KCNA1: variants seen among roughly 807,000 people sequenced by gnomAD.
KCNA1 encodes the protein potassium channel, voltage gated shaker related subfamily A, member 1.
In KCNA1, 19 loss-of-function variants were observed where a neutral mutation model predicts 28.8. The observed-to-expected ratio is 0.66, with a 90% CI of 0.46 to 0.97. The LOEUF (loss-of-function observed/expected upper bound fraction) is 0.97, where lower values mean the gene tolerates loss of function less well. Ranked by LOEUF, KCNA1 falls within the 50% of genes least tolerant of loss-of-function variation. KCNA1 has a pLI of 0.00. For synonymous variants in KCNA1, 311 were observed against 268.8 expected, an observed-to-expected ratio of 1.16 and a Z score of -1.53; for missense variants, 419 against 659.7, an observed-to-expected ratio of 0.64 and a Z score of 4.00.
chr12:4,911,440 A>G lies in KCNA1; in HGVS notation c.62A>G (p.Asp21Gly). 1 of 1,613,590 alleles carries G rather than the reference A, an allele frequency of 6.2e-7. No individual in the cohort carries two copies. The highest frequency in any genetic ancestry group is 8.5e-7 in the Non-Finnish European group (1 of 1,179,884). ...TCGGCCGCCCCGGGCCACCCCCAGG[A>G]TGGCAGCTACCCCCGGCAGGCCGAC... ...EASAAPGHPQ[D>G]GSYPRQADHD... Residue 21 changes from aspartate to glycine, a missense_variant, in exon 2 of 2, where the codon GAT (aspartate) becomes GGT (glycine). Physicochemically the swap from Asp to Gly is moderately conservative, Grantham distance 94. Around this residue, in one of 4 missense-constraint regions of KCNA1, gnomAD observed 67 missense variants for 57.2 expected, o/e 1.17. Coordinates refer to ENST00000382545, the MANE Select transcript of KCNA1 (RefSeq NM_000217.3). The surrounding 1 kb of genome is among the most constrained non-coding windows in gnomAD (Gnocchi z 6.6).
At position 4,916,526 on chromosome 12, in the gene KCNA1, C is replaced by A. The variant is rs1332622224; in HGVS notation, c.*3660C>A. The A allele has an allele frequency of 6.0e-6, 1 of 167,046 alleles. No individual in the cohort carries two copies. The highest frequency in any genetic ancestry group is 1.5e-5 in the Non-Finnish European group (1 of 68,116). The allele number at this position is 167,046 out of a possible 1,614,324, so 10.3% of individuals were successfully genotyped here. A position where few individuals can be genotyped will look rare whatever the true frequency, so the allele number is the denominator to read the frequency against. On this transcript the variant is annotated 3_prime_UTR_variant, in exon 2 of 2. Coordinates refer to ENST00000382545, the MANE Select transcript of KCNA1 (RefSeq NM_000217.3). The stretch of plus-strand genomic sequence containing the variant: ...TTTCTGTTTTTGCATCTCCCTTTTC[C>A]CATTTGTGCCCAACTCCCCTTGCAC...
rs923839401 is a variant in KCNA1, at chr12:4,914,829, A to G, written c.*1963A>G. The G allele has an allele frequency of 6.0e-6, 1 of 167,154 alleles. No homozygotes were observed. Among genetic ancestry groups the G allele is most frequent in the Non-Finnish European group, 1.5e-5 (1 of 68,182 alleles). The allele number at this position is 167,154 out of a possible 1,614,324, so 10.4% of individuals were successfully genotyped here. A position where few individuals can be genotyped will look rare whatever the true frequency, so the allele number is the denominator to read the frequency against. On this transcript the variant is annotated 3_prime_UTR_variant, in exon 2 of 2. Coordinates refer to ENST00000382545, the MANE Select transcript of KCNA1 (RefSeq NM_000217.3). ...GAACTTGTTTTTTCCTCTCTCCACCAAAGCCAAGATAAACTTTTTGGGAAT... is the reference window on the plus strand; with the variant it reads ...GAACTTGTTTTTTCCTCTCTCCACCGAAGCCAAGATAAACTTTTTGGGAAT...
chr12:4,911,252 C>A lies in KCNA1; in HGVS notation c.-127C>A, dbSNP rs1183926117. 3 of 685,566 alleles carry A rather than the reference C, an allele frequency of 4.4e-6. No homozygotes were observed. The highest frequency in any genetic ancestry group is 4.9e-6 in the Non-Finnish European group (2 of 404,578). 42.5% of individuals were successfully genotyped at this position (685,566 alleles called of 1,614,324 possible). On this transcript the variant is annotated 5_prime_UTR_variant, in exon 2 of 2. Coordinates refer to ENST00000382545, the MANE Select transcript of KCNA1 (RefSeq NM_000217.3). This position sits in a 1 kb window ranked among gnomAD's most constrained non-coding sequence, Gnocchi z 6.6. Reference sequence around the variant, plus strand: ...CGACCTGCTCGTGTTGAAGCACCTCCCCCTGGGCGTGAGGGAGACGCGCGC... The same window carrying A: ...CGACCTGCTCGTGTTGAAGCACCTCACCCTGGGCGTGAGGGAGACGCGCGC...
rs142055425 is a variant in KCNA1, at chr12:4,912,602, G to A, written c.1224G>A (p.Val408=). The change falls in exon 2 of 2, where the codon GTG becomes GTA. Residue 408 remains valine (V), a synonymous_variant. Coordinates refer to ENST00000382545, the MANE Select transcript of KCNA1 (RefSeq NM_000217.3). ...TTGCCCTGCCCGTACCTGTCATTGT[G>A]TCCAATTTCAACTATTTCTACCACC... The part of the protein sequence containing the change: ...LTIALPVPVI[V]SNFNYFYHRE... 3.1e-6 allele frequency: 5 copies of A among 1,613,720 alleles called. No individual in the cohort carries two copies. The highest frequency in any genetic ancestry group is 2.7e-5 in the African/African-American group (2 of 74,802).
chr12:4,917,714 A>G lies in KCNA1; in HGVS notation c.*4848A>G, dbSNP rs1413360717. ...AGAGTATAGAAAACTTTTGTACCAC[A>G]ATCAAAGAAGAAGAAATGGTGTATG... is the stretch of plus-strand genomic sequence containing the variant. On this transcript the variant is annotated 3_prime_UTR_variant, in exon 2 of 2. Coordinates refer to ENST00000382545, the MANE Select transcript of KCNA1 (RefSeq NM_000217.3). 6.0e-6 allele frequency: 1 copy of G among 167,022 alleles called. No homozygotes were observed. Among genetic ancestry groups the G allele is most frequent in the Non-Finnish European group, 1.5e-5 (1 of 68,120 alleles). The allele number at this position is 167,022 out of a possible 1,614,324, so 10.3% of individuals were successfully genotyped here. A position where few individuals can be genotyped will look rare whatever the true frequency, so the allele number is the denominator to read the frequency against.
At position 4,911,961 on chromosome 12, in the gene KCNA1, G is replaced by T. The variant is rs2137673332; in HGVS notation, c.583G>T (p.Asp195Tyr). The stretch of plus-strand genomic sequence containing the variant: ...GGAGACGCTCCCCGAGCTGAAGGAT[G>T]ACAAGGACTTCACGGGCACCGTCCA... Reference protein sequence around the residue: ...CLETLPELKDDKDFTGTVHRI... With the variant: ...CLETLPELKDYKDFTGTVHRI... Residue 195 changes from aspartate (D) to tyrosine (Y), a missense_variant, in exon 2 of 2, where the codon GAC becomes TAC. Around this residue, in one of 4 missense-constraint regions of KCNA1, gnomAD observed 217 missense variants for 329.6 expected, o/e 0.66. Transcript: ENST00000382545. This position sits in a 1 kb window ranked among gnomAD's most constrained non-coding sequence, Gnocchi z 6.6. 1 of 1,614,088 alleles carries T rather than the reference G, an allele frequency of 6.2e-7. No homozygotes were observed. The highest frequency in any genetic ancestry group is 2.2e-5 in the East Asian group (1 of 44,850).
At position 4,912,724 on chromosome 12, in the gene KCNA1, T is replaced by C. The variant is rs1481224137; in HGVS notation, c.1346T>C (p.Met449Thr). 3.1e-6 allele frequency: 5 copies of C among 1,613,566 alleles called. No individual in the cohort carries two copies. Among genetic ancestry groups the C allele is most frequent in the African/African-American group, 2.7e-5 (2 of 74,776 alleles). Residue 449 changes from methionine to threonine, a missense_variant, in exon 2 of 2, where the codon ATG becomes ACG. Around this residue, in one of 4 missense-constraint regions of KCNA1, gnomAD observed 81 missense variants for 86.5 expected, o/e 0.94. Coordinates refer to ENST00000382545, the MANE Select transcript of KCNA1 (RefSeq NM_000217.3). The stretch of plus-strand genomic sequence containing the variant: ...CTCAGTCGCCGCAGTTCCTCTACTA[T>C]GAGCAAGTCTGAGTACATGGAGATC... Reference protein sequence around the residue: ...SDLSRRSSSTMSKSEYMEIEE... With the variant: ...SDLSRRSSSTTSKSEYMEIEE...
At position 4,917,714 on chromosome 12, in the gene KCNA1, A is replaced by C. The variant is rs1413360717; in HGVS notation, c.*4848A>C. 1 of 167,022 alleles carries C rather than the reference A, an allele frequency of 6.0e-6. No homozygotes were observed. Among genetic ancestry groups the C allele is most frequent in the African/African-American group, 2.4e-5 (1 of 41,462 alleles). The allele number at this position is 167,022 out of a possible 1,614,324, so 10.3% of individuals were successfully genotyped here. A position where few individuals can be genotyped will look rare whatever the true frequency, so the allele number is the denominator to read the frequency against. ...AGAGTATAGAAAACTTTTGTACCAC[A>C]ATCAAAGAAGAAGAAATGGTGTATG... On this transcript the variant is annotated 3_prime_UTR_variant, in exon 2 of 2. Transcript: ENST00000382545.
Position 4,911,254 on chromosome 12 carries a change from C to G in KCNA1, c.-125C>G, listed in dbSNP as rs1464289027. The G allele has an allele frequency of 4.3e-6, 3 of 698,128 alleles. No homozygotes were observed. Among genetic ancestry groups the G allele is most frequent in the African/African-American group, 1.8e-5 (1 of 55,600 alleles). The allele number at this position is 698,128 out of a possible 1,614,324, so 43.2% of individuals were successfully genotyped here. A position where few individuals can be genotyped will look rare whatever the true frequency, so the allele number is the denominator to read the frequency against. The stretch of plus-strand genomic sequence containing the variant: ...ACCTGCTCGTGTTGAAGCACCTCCC[C>G]CTGGGCGTGAGGGAGACGCGCGCTC... On this transcript the variant is annotated 5_prime_UTR_variant, in exon 2 of 2. Coordinates refer to ENST00000382545, the MANE Select transcript of KCNA1 (RefSeq NM_000217.3). The surrounding 1 kb of genome is among the most constrained non-coding windows in gnomAD (Gnocchi z 6.6).
Position 4,914,454 on chromosome 12 carries a change from G to C in KCNA1, c.*1588G>C, listed in dbSNP as rs2137675778. 6.0e-6 allele frequency: 1 copy of C among 167,080 alleles called. No homozygotes were observed. The highest frequency in any genetic ancestry group is 2.4e-5 in the African/African-American group (1 of 41,536). 10.3% of individuals were successfully genotyped at this position (167,080 alleles called of 1,614,324 possible). On this transcript the variant is annotated 3_prime_UTR_variant, in exon 2 of 2. Coordinates refer to ENST00000382545, the MANE Select transcript of KCNA1 (RefSeq NM_000217.3). ...GCAGTCATTCTTTGAAGTCTGTAGA[G>C]ACTTCAGCCCTCCCCTTGAGGCTCC...
In KCNA1 at chr12:4,915,143, C is replaced by A. The variant is rs1947377140; in HGVS notation, c.*2277C>A. ...TGAACATCTAACTTCTGCTGCCCCCCCGTTACCCAGCCCAGAGAATGGTGG... is the reference window on the plus strand; with the variant it reads ...TGAACATCTAACTTCTGCTGCCCCCACGTTACCCAGCCCAGAGAATGGTGG... On this transcript the variant is annotated 3_prime_UTR_variant, in exon 2 of 2. Coordinates refer to ENST00000382545, the MANE Select transcript of KCNA1 (RefSeq NM_000217.3). The A allele has an allele frequency of 6.0e-6, 1 of 165,824 alleles. No homozygotes were observed. The highest frequency in any genetic ancestry group is 1.5e-5 in the Non-Finnish European group (1 of 67,678). 10.3% of individuals were successfully genotyped at this position (165,824 alleles called of 1,614,324 possible).
rs1262487366 is a variant in KCNA1 at position 4,913,118 on chromosome 12, A to T, written c.*252A>T. The T allele has an allele frequency of 1.9e-6, 1 of 513,660 alleles. No homozygotes were observed. The highest frequency in any genetic ancestry group is 3.7e-5 in the East Asian group (1 of 27,064). The allele number at this position is 513,660 out of a possible 1,614,324, so 31.8% of individuals were successfully genotyped here. ...AATGGGAAAAGAGAGAGTATTTTCT[A>T]AAACTGGCTTAAAAAGATTCAGTCC... On this transcript the variant is annotated 3_prime_UTR_variant, in exon 2 of 2. Transcript: ENST00000382545.
rs1947338856 is a variant in KCNA1 at position 4,910,056 on chromosome 12, C to A, written c.-956C>A. On this transcript the variant is annotated 5_prime_UTR_variant, in exon 1 of 2. Transcript: ENST00000382545. The surrounding 1 kb of genome is among the most constrained non-coding windows in gnomAD (Gnocchi z 4.9). ...GAGCCATGTAGATCCAGGCTCTCGC[C>A]CGCCCGCCTCCTTCGGGATCGAATC... 1 of 152,674 alleles carries A rather than the reference C, an allele frequency of 6.5e-6. No homozygotes were observed. Among genetic ancestry groups the A allele is most frequent in the Admixed American group, 6.5e-5 (1 of 15,280 alleles). 9.5% of individuals were successfully genotyped at this position (152,674 alleles called of 1,614,324 possible).
Position 4,911,118 on chromosome 12 carries a change from C to T in KCNA1, c.-261C>T. The T allele has an allele frequency of 1.7e-6, 1 of 586,994 alleles. No individual in the cohort carries two copies. Among genetic ancestry groups the T allele is most frequent in the East Asian group, 2.8e-5 (1 of 35,158 alleles). 36.4% of individuals were successfully genotyped at this position (586,994 alleles called of 1,614,324 possible). Reference sequence around the variant, plus strand: ...AAACCAACAAACCCCCAAACCCAAACCCAACCCTCTGCAAAAAGCTGCACC... The same window carrying T: ...AAACCAACAAACCCCCAAACCCAAATCCAACCCTCTGCAAAAAGCTGCACC... On this transcript the variant is annotated 5_prime_UTR_variant, in exon 2 of 2. Coordinates refer to ENST00000382545, the MANE Select transcript of KCNA1 (RefSeq NM_000217.3). The surrounding 1 kb of genome is among the most constrained non-coding windows in gnomAD (Gnocchi z 6.6).
Position 4,912,587 on chromosome 12 carries a change from C to G in KCNA1, c.1209C>G (p.Pro403=), listed in dbSNP as rs1475577782. ...AIAGVLTIAL[P]VPVIVSNFNY... ...CTGGTGTGCTAACAATTGCCCTGCCCGTACCTGTCATTGTGTCCAATTTCA... is the reference window on the plus strand; with the variant it reads ...CTGGTGTGCTAACAATTGCCCTGCCGGTACCTGTCATTGTGTCCAATTTCA... Residue 403 remains proline (P), a synonymous_variant, in exon 2 of 2, where the codon CCC becomes CCG. Coordinates refer to ENST00000382545, the MANE Select transcript of KCNA1 (RefSeq NM_000217.3). The G allele has an allele frequency of 3.1e-6, 5 of 1,613,678 alleles. No homozygotes were observed. Among genetic ancestry groups the G allele is most frequent in the East Asian group, 2.2e-5 (1 of 44,844 alleles).
chr12:4,912,313 T>TCCAGATCCTGGG lies in KCNA1; in HGVS notation c.941_952dup (p.Ile314_Gln317dup). On this transcript the variant is annotated inframe_insertion, in exon 2 of 2. Transcript: ENST00000382545. Reference sequence around the variant, plus strand: ...AAGCTCTCCCGCCACTCTAAGGGCCTCCAGATCCTGGGCCAGACCCTCAAA... The same window carrying TCCAGATCCTGGG: ...AAGCTCTCCCGCCACTCTAAGGGCCTCCAGATCCTGGGCCAGATCCTGGGCCAGACCCTCAAA... 6.2e-7 allele frequency: 1 copy of TCCAGATCCTGGG among 1,613,834 alleles called. No homozygotes were observed. Among genetic ancestry groups the TCCAGATCCTGGG allele is most frequent in the Non-Finnish European group, 8.5e-7 (1 of 1,179,964 alleles).
In KCNA1 at chr12:4,912,392, C is replaced by T. The variant is rs756726040; in HGVS notation, c.1014C>T (p.Ile338=). Residue 338 remains isoleucine (I), a synonymous_variant, in exon 2 of 2, where the codon ATC becomes ATT. Coordinates refer to ENST00000382545, the MANE Select transcript of KCNA1 (RefSeq NM_000217.3). ...LLIFFLFIGV[I]LFSSAVYFAE... ...TCTTTTTCCTCTTCATCGGGGTCAT[C>T]CTGTTTTCTAGTGCAGTGTACTTTG... 6.2e-7 allele frequency: 1 copy of T among 1,613,922 alleles called. No individual in the cohort carries two copies. The highest frequency in any genetic ancestry group is 1.7e-5 in the Admixed American group (1 of 59,988).
At position 4,911,386 on chromosome 12, in the gene KCNA1, T is replaced by C; in HGVS notation, c.8T>C (p.Val3Ala). The C allele has an allele frequency of 6.4e-7, 1 of 1,555,584 alleles. No individual in the cohort carries two copies. The highest frequency in any genetic ancestry group is 1.1e-5 in the South Asian group (1 of 90,148). Reference sequence around the variant, plus strand: ...CCGCGCCCGGCTTCCACCATGACGGTGATGTCTGGGGAGAACGTGGACGAG... The same window carrying C: ...CCGCGCCCGGCTTCCACCATGACGGCGATGTCTGGGGAGAACGTGGACGAG... MT[V>A]MSGENVDEAS... Residue 3 changes from valine to alanine, a missense_variant, in exon 2 of 2, where the codon GTG becomes GCG. Coordinates refer to ENST00000382545, the MANE Select transcript of KCNA1 (RefSeq NM_000217.3). This position sits in a 1 kb window ranked among gnomAD's most constrained non-coding sequence, Gnocchi z 6.6.
rs1353491280 is a variant in KCNA1, at chr12:4,916,379, G to C, written c.*3513G>C. 6.0e-6 allele frequency: 1 copy of C among 167,106 alleles called. No individual in the cohort carries two copies. The highest frequency in any genetic ancestry group is 1.5e-5 in the Non-Finnish European group (1 of 68,136). 10.4% of individuals were successfully genotyped at this position (167,106 alleles called of 1,614,324 possible). ...TAGAAGAGTTGGTCACACCAGGGCT[G>C]TTAGCCATCCCAGAATCTCTGAAGT... is the stretch of plus-strand genomic sequence containing the variant. On this transcript the variant is annotated 3_prime_UTR_variant, in exon 2 of 2. Transcript: ENST00000382545.
Sources: allele counts gnomAD v4.1 joint callset, GRCh38; gene constraint gnomAD v4.1.1; regional missense constraint gnomAD v4.1.1; non-coding constraint Gnocchi (gnomAD v3.1); transcripts MANE v1.5; gene names NCBI Gene and HGNC (gene_info 2026-07-23, HGNC 2026-07-21).